Variants in ZNF407 observed in about 807,000 individuals in gnomAD.
ZNF407 encodes the protein zinc finger protein 407.
A neutral mutation model predicts 131.2 loss-of-function variants in ZNF407; 17 were observed. The ratio of observed to expected loss-of-function variants is 0.13; its 90% CI spans 0.09 to 0.19. ZNF407 has a LOEUF of 0.19. Ranked by LOEUF, ZNF407 falls within the 10% of genes least tolerant of loss-of-function variation. ZNF407 has a pLI of 1.00. For missense variants in ZNF407, 2,681 were observed against 2,830.6 expected (o/e 0.95, Z 1.20); for synonymous variants, 1,156 against 1,062.0 (o/e 1.09, Z -1.72).
chr18:74,938,503 T>A (rs1972063615), intron 8 of ZNF407, among the ~76,000 whole-genome samples: 1 of 152,230 alleles, frequency 6.6e-6, no homozygotes, highest in African/African-American at 2.4e-5. Flanking sequence ...TTAATTTTTT[T>A]TTTACCTCCA....
intron 3 of ZNF407, among the ~76,000 whole-genome samples, chr18:74,708,321 C>T (rs537541348): frequency 1.3e-5 from 2 of 152,156 alleles, no homozygotes; most frequent in Non-Finnish European, 2.9e-5. Context: ...CATATGTAGT[C>T]ATTACATCAT....
chr18:74,786,528 T>C (rs909818555), intron 4 of ZNF407, among the ~76,000 whole-genome samples: 11 of 152,124 alleles, frequency 7.2e-5, no homozygotes, highest in East Asian at 1.9e-4. Flanking sequence ...TTTATGGGCT[T>C]CTCTCCACCT....
At chr18:75,054,955 A>G (rs1973544919) in intron 8 of ZNF407, among the ~76,000 whole-genome samples, 1 of 152,218 alleles carries the variant, frequency 6.6e-6, no homozygotes, top group Admixed American at 6.5e-5. Context: ...ATGCTCACAC[A>G]CGTGTCGGCA....
intron 8 of ZNF407, among the ~76,000 whole-genome samples, chr18:74,993,691 C>T (rs10469100): frequency 0.03 from 4,498 of 152,190 alleles, 200 homozygotes; most frequent in African/African-American, 0.099. Context: ...CAAAAAAATA[C>T]GCAGCGATTA....
At chr18:74,620,039 C>G (rs1046593641) in intron 1 of ZNF407, among the ~76,000 whole-genome samples, 80 of 150,612 alleles carry the variant, frequency 5.3e-4, no homozygotes, top group African/African-American at 1.5e-3. Context: ...AAAAAAAAAC[C>G]CAGACAATTA....
At chr18:74,739,386 GA>G (rs543771649) in intron 3 of ZNF407, among the ~76,000 whole-genome samples, 6 of 152,064 alleles carry the variant, frequency 3.9e-5, no homozygotes, top group African/African-American at 1.2e-4. Context: ...TCCAGAGCTA[GA>G]AAGAGTACAG....
At chr18:74,767,650 T>C (rs1365942807) in intron 3 of ZNF407, among the ~76,000 whole-genome samples, 101 of 1,784 alleles carry the variant, frequency 0.057, no homozygotes, top group Admixed American at 0.12. Flanking sequence ...CTGAATTCTC[T>C]TTTTTTTTTT....
At chr18:74,976,956 A>C (rs571336926) in intron 8 of ZNF407, among the ~76,000 whole-genome samples, 2 of 152,374 alleles carry the variant, frequency 1.3e-5, no homozygotes, top group South Asian at 2.1e-4. Flanking sequence ...ATAGGCTTAC[A>C]TGCTAATGCA....
At chr18:74,868,236 G>T (rs1281818281) in intron 4 of ZNF407, among the ~76,000 whole-genome samples, 5 of 152,190 alleles carry the variant, frequency 3.3e-5, no homozygotes, top group Non-Finnish European at 5.9e-5. Context: ...ATGCTGTTTA[G>T]TACATTACTT....
intron 8 of ZNF407, among the ~76,000 whole-genome samples, chr18:74,946,957 A>C (rs1208530852): frequency 6.6e-6 from 1 of 152,214 alleles, no homozygotes; most frequent in Admixed American, 6.5e-5. Context: ...TTCTCAAATA[A>C]GATTTCTTTT....
At chr18:74,864,739 T>C (rs1331400196) in intron 4 of ZNF407, among the ~76,000 whole-genome samples, 3 of 152,194 alleles carry the variant, frequency 2.0e-5, no homozygotes, top group Admixed American at 6.5e-5. Flanking sequence ...TGTTAATGTT[T>C]ATGAGGCAGT....
intron 4 of ZNF407, among the ~76,000 whole-genome samples, chr18:74,869,500 A>C (rs1043858917): frequency 3.3e-5 from 5 of 152,202 alleles, no homozygotes; most frequent in Non-Finnish European, 5.9e-5. Flanking sequence ...CTCATGTTGA[A>C]GTTTTAAAGC....
intron 2 of ZNF407, among the ~76,000 whole-genome samples, chr18:74,638,122 A>G (rs932564135): frequency 6.6e-5 from 10 of 152,218 alleles, no homozygotes; most frequent in Non-Finnish European, 1.2e-4. Flanking sequence ...TGCTCTGGTC[A>G]CTAATGCCAT....
At chr18:74,688,195 G>A (rs1408004753) in intron 3 of ZNF407, among the ~76,000 whole-genome samples, 1 of 152,138 alleles carries the variant, frequency 6.6e-6, no homozygotes, top group African/African-American at 2.4e-5. Flanking sequence ...CTTAAAGGGT[G>A]ATTGCCTTTG....
chr18:74,792,899 C>A (rs969939982), intron 4 of ZNF407, among the ~76,000 whole-genome samples: 1 of 152,152 alleles, frequency 6.6e-6, no homozygotes, highest in Admixed American at 6.5e-5. Flanking sequence ...TTCTCCACGT[C>A]TTACAGAATC....
At chr18:74,818,172 T>C (rs879769203) in intron 4 of ZNF407, among the ~76,000 whole-genome samples, 7 of 152,206 alleles carry the variant, frequency 4.6e-5, no homozygotes, top group Non-Finnish European at 8.8e-5. Context: ...TGAGTCCGCC[T>C]GTGCCCATGT....
chr18:74,964,626 C>T (rs925067690), intron 8 of ZNF407, among the ~76,000 whole-genome samples: 1 of 145,364 alleles, frequency 6.9e-6, no homozygotes. Context: ...ATATTATAAC[C>T]AAACTTTTAA....
chr18:74,704,633 G>A (rs1019615847), intron 3 of ZNF407, among the ~76,000 whole-genome samples: 1 of 152,012 alleles, frequency 6.6e-6, no homozygotes, highest in African/African-American at 2.4e-5. Flanking sequence ...AAACAATGTC[G>A]GCATGGAAAT....
At chr18:75,052,433 C>A (rs1273963827) in intron 8 of ZNF407, among the ~76,000 whole-genome samples, 1 of 152,140 alleles carries the variant, frequency 6.6e-6, no homozygotes, top group African/African-American at 2.4e-5. Context: ...GCTCTCCCTC[C>A]ATGAAGGAGC....
Sources: allele counts gnomAD v4.1 joint callset (sites outside exome capture counted in the v4.1 genomes callset), GRCh38; gene constraint gnomAD v4.1.1; transcripts MANE v1.5; gene names NCBI Gene and HGNC (gene_info 2026-07-23, HGNC 2026-07-21).